Variants in SYNE2 observed in about 807,000 individuals in gnomAD.
SYNE2 encodes spectrin repeat containing nuclear envelope protein 2.
A neutral mutation model predicts 856.3 loss-of-function variants in SYNE2; 431 were observed. The observed-to-expected ratio is 0.50, with a 90% confidence interval of 0.47 to 0.55. The LOEUF (loss-of-function observed/expected upper bound fraction) is 0.55, where lower values mean the gene tolerates loss of function less well. SYNE2 is among the 20% of genes least tolerant of loss of function. The pLI, the probability that SYNE2 is intolerant of heterozygous loss-of-function variation, is 0.00. For synonymous variants in SYNE2, 2,923 were observed against 2,872.3 expected (o/e 1.02, Z -0.56); for missense variants, 8,129 against 8,023.2 (o/e 1.01, Z -0.50).
chr14:63,856,034 G>T (rs954142161), intron 1 of SYNE2, among the ~76,000 whole-genome samples: 3 of 152,308 alleles, frequency 2.0e-5, no homozygotes, highest in Middle Eastern at 3.4e-3. Flanking sequence ...AGAGGAGACA[G>T]GCATGGAAGA....
intron 96 of SYNE2, among the ~76,000 whole-genome samples, chr14:64,183,998 A>G (rs978323957): frequency 6.7e-6 from 1 of 149,954 alleles, no homozygotes; most frequent in Non-Finnish European, 1.5e-5. Flanking sequence ...GGAGAGGGAG[A>G]GGGAGCAATT....
intron 49 of SYNE2, among the ~76,000 whole-genome samples, chr14:64,056,673 C>CT (rs34164335): frequency 1.2e-3 from 170 of 145,192 alleles, no homozygotes; most frequent in African/African-American, 3.8e-3. Context: ...TTTTGTTGTA[C>CT]TTTTTTTTTT....
At chr14:63,848,776 T>G (rs1323871555), upstream of SYNE2, among the ~76,000 whole-genome samples, 1 of 152,250 alleles carries the variant, frequency 6.6e-6, no homozygotes, top group African/African-American at 2.4e-5. Context: ...AGTTACTGAC[T>G]GAAATAATTG....
intron 1 of SYNE2, among the ~76,000 whole-genome samples, chr14:63,859,155 T>C (rs1892798115): frequency 6.6e-6 from 1 of 152,196 alleles, no homozygotes; most frequent in Non-Finnish European, 1.5e-5. Context: ...CTAGATACCC[T>C]ACAGTGGATA....
chr14:63,881,593 TTA>T lies in SYNE2; in HGVS notation c.-51-27503_-51-27502del, dbSNP rs1481864941. ...TATACTTATATATTTATGGAAAATTTTATGTTTATATAAATATATAATTATAA... is the reference window on the plus strand; with the variant it reads ...TATACTTATATATTTATGGAAAATTTTGTTTATATAAATATATAATTATAA... On this transcript the variant is annotated intron_variant, in intron 1 of 115. Coordinates refer to ENST00000555002, the MANE Select transcript of SYNE2 (RefSeq NM_182914.3). Among the ~76,000 whole-genome samples, 6 of 148,686 alleles carry T rather than the reference TTA, an allele frequency of 4.0e-5. No individual in the cohort carries two copies. The South Asian group carries it at 1.3e-3, about 31-fold the overall frequency.
rs887142477 is a variant in SYNE2 at position 64,063,331 on chromosome 14, A to G, written c.10212+436A>G. On this transcript the variant is annotated intron_variant, in intron 50 of 115. Transcript: ENST00000555002. ...TCAAAGTGCTGGGATTATAGGCGCG[A>G]GCCACTGCGCCTGGCCTTATGTAAT... is the stretch of plus-strand genomic sequence containing the variant. Among the ~76,000 whole-genome samples the G allele has an allele frequency of 9.5e-4, 145 of 152,354 alleles. 1 individual carries two copies. The highest frequency in any genetic ancestry group is 3.3e-3 in the African/African-American group (139 of 41,586).
chr14:63,777,614 G>A (rs763041451), intron 1 of SYNE2, among the ~76,000 whole-genome samples: 16 of 152,142 alleles, frequency 1.1e-4, no homozygotes, highest in South Asian at 2.1e-4. Context: ...AATTTTCCAC[G>A]TTACAGTTCT....
At chr14:63,851,568 A>G (rs953279224), upstream of SYNE2, among the ~76,000 whole-genome samples, 14 of 152,194 alleles carry the variant, frequency 9.2e-5, no homozygotes, top group Non-Finnish European at 1.9e-4. Context: ...TGCATTTCAA[A>G]TAATTTGCCT....
chr14:63,969,169 CTTTTTTT>C, intron 11 of SYNE2, among the ~76,000 whole-genome samples: 1 of 128,920 alleles, frequency 7.8e-6, no homozygotes, highest in East Asian at 2.2e-4. Context: ...GAATCTCATT[CTTTTTTT>C]TTTTTTTTTT....
At position 64,134,705 on chromosome 14, in the gene SYNE2, G is replaced by A. The variant is rs1270052829; in HGVS notation, c.14646+505G>A. On this transcript the variant is annotated intron_variant, in intron 78 of 115. Transcript: ENST00000555002. ...TATAAAAACATCTCAGGCCGGACACGATGGCTCACACCTGTAATCCTAGCA... is the reference window on the plus strand; with the variant it reads ...TATAAAAACATCTCAGGCCGGACACAATGGCTCACACCTGTAATCCTAGCA... 3.9e-5 allele frequency among the ~76,000 whole-genome samples: 6 copies of A among 152,154 alleles called. 1 individual carries two copies. In the South Asian group the frequency reaches 6.2e-4, roughly 16 times the overall value.
rs528002229 is a variant in SYNE2, at chr14:64,219,104, G to GTTTTTT, written c.19658-89_19658-84dup. On this transcript the variant is annotated intron_variant, in intron 109 of 115. Coordinates refer to ENST00000555002, the MANE Select transcript of SYNE2 (RefSeq NM_182914.3). The stretch of plus-strand genomic sequence containing the variant: ...CAGGGGAATCCCCTACAGTTTTTTT[G>GTTTTTT]TTTTTTTTTTTTTTTTTTTTAACCA... 459 of 408,688 alleles carry GTTTTTT rather than the reference G, an allele frequency of 1.1e-3. 44 individuals carry two copies. The highest frequency in any genetic ancestry group is 6.6e-3 in the East Asian group (114 of 17,174). 25.3% of individuals were successfully genotyped at this position (408,688 alleles called of 1,614,324 possible). A position where few individuals can be genotyped will look rare whatever the true frequency, so the allele number is the denominator to read the frequency against.
At chr14:63,952,081 T>C (rs946813980) in intron 7 of SYNE2, among the ~76,000 whole-genome samples, 1 of 152,248 alleles carries the variant, frequency 6.6e-6, no homozygotes. Context: ...GTTTTGTAAG[T>C]AATATGTTGT....
At chr14:63,803,866 TC>T (rs1036177080) in intron 1 of SYNE2, among the ~76,000 whole-genome samples, 1 of 152,216 alleles carries the variant, frequency 6.6e-6, no homozygotes, top group African/African-American at 2.4e-5. Flanking sequence ...TGAATTGTAA[TC>T]CTTTGTGTTG....
chr14:64,202,902 A>G lies in SYNE2; in HGVS notation c.18140A>G (p.Lys6047Arg). 1 of 1,614,210 alleles carries G rather than the reference A, an allele frequency of 6.2e-7. No homozygotes were observed. The highest frequency in any genetic ancestry group is 1.1e-5 in the South Asian group (1 of 91,088). ...GCTCGAATTGAGTCTGAGCTTTCCA[A>G]GCCTGTTGTTTATGATGTCTGCGAT... ...WLARIESELS[K>R]PVVYDVCDDQ... Residue 6047 changes from lysine (K) to arginine (R), a missense_variant, in exon 100 of 116, where the codon AAG becomes AGG. Physicochemically the swap from Lys to Arg is conservative, Grantham distance 26. This residue lies in a region of SYNE2 where 5,410 missense variants were observed against 5,284.8 expected (regional missense o/e 1.02). Coordinates refer to ENST00000555002, the MANE Select transcript of SYNE2 (RefSeq NM_182914.3).
chr14:63,836,583 C>T (rs1889865379), intron 1 of SYNE2, among the ~76,000 whole-genome samples: 1 of 152,166 alleles, frequency 6.6e-6, no homozygotes, highest in East Asian at 1.9e-4. Context: ...CTTTCCTTCA[C>T]TGACACCCTA....
Position 64,055,367 on chromosome 14 carries a change from C to CTT in SYNE2, c.9745-559_9745-558dup, listed in dbSNP as rs35956880. On this transcript the variant is annotated intron_variant, in intron 48 of 115. Transcript: ENST00000555002. ...TTTTTCTTATTAAATCTGAAAATAACTTTTTTTTTTTTTTTTTTTGAGATG... is the reference window on the plus strand; with the variant it reads ...TTTTTCTTATTAAATCTGAAAATAACTTTTTTTTTTTTTTTTTTTTTGAGATG... Among the ~76,000 whole-genome samples the CTT allele has an allele frequency of 1.5e-3, 202 of 131,888 alleles. 5 individuals are homozygous for CTT. The highest frequency in any genetic ancestry group is 4.5e-3 in the African/African-American group (154 of 34,366). The allele number at this position is 131,888 out of a possible 152,430, so 86.5% of individuals were successfully genotyped here. A position where few individuals can be genotyped will look rare whatever the true frequency, so the allele number is the denominator to read the frequency against.
At chr14:63,958,060 G>A (rs1315659094) in intron 8 of SYNE2, among the ~76,000 whole-genome samples, 3 of 152,004 alleles carry the variant, frequency 2.0e-5, no homozygotes, top group South Asian at 2.1e-4. Flanking sequence ...CAAAAAAAAA[G>A]CCTTTTCAGT....
chr14:64,048,040 T>G lies in SYNE2; in HGVS notation c.7262T>G (p.Leu2421Arg), dbSNP rs2097198790. The G allele has an allele frequency of 1.9e-6, 3 of 1,613,844 alleles. No homozygotes were observed. Among genetic ancestry groups the G allele is most frequent in the Non-Finnish European group, 2.5e-6 (3 of 1,179,868 alleles). Residue 2421 changes from leucine to arginine, a missense_variant, in exon 46 of 116, where the codon CTT becomes CGT. Around this residue, in one of 3 missense-constraint regions of SYNE2, gnomAD observed 5,410 missense variants for 5,284.8 expected, o/e 1.02. Coordinates refer to ENST00000555002, the MANE Select transcript of SYNE2 (RefSeq NM_182914.3). ...ATGGCTATGTCAAAACAACTTTCTCTTAATGCTCAAGAAAGCATGAAAAAC... is the reference window on the plus strand; with the variant it reads ...ATGGCTATGTCAAAACAACTTTCTCGTAATGCTCAAGAAAGCATGAAAAAC... Reference protein sequence around the residue: ...VEMAMSKQLSLNAQESMKNTE... With the variant: ...VEMAMSKQLSRNAQESMKNTE...
intron 10 of SYNE2, 55 bp from the exon 11 acceptor site, chr14:63,967,654 A>G: frequency 1.3e-6 from 2 of 1,563,060 alleles, no homozygotes; most frequent in African/African-American, 1.4e-5. Context: ...AACAGATTAT[A>G]TGATATAAAT....
Sources: gnomAD v4.1 joint callset for allele counts (sites outside exome capture counted in the v4.1 genomes callset) on GRCh38, gnomAD v4.1.1 for gene constraint, gnomAD v4.1.1 regional missense constraint, MANE v1.5 for transcripts, NCBI Gene and HGNC (gene_info 2026-07-23, HGNC 2026-07-21) for gene names.